VAT1: variants seen among roughly 807,000 people sequenced by gnomAD.
VAT1 encodes the protein vesicle amine transport 1.
Under a neutral mutation model 33.3 loss-of-function variants are expected in VAT1, and 24 were observed. The observed-to-expected ratio is 0.72, with a 90% CI of 0.52 to 1.01. The LOEUF (loss-of-function observed/expected upper bound fraction) is 1.01, where lower values mean the gene tolerates loss of function less well. Among genes scored for constraint, VAT1 ranks in the 50% least tolerant of loss-of-function variants. The probability of loss-of-function intolerance (pLI) is 0.00; values close to 1 mark genes in which losing one functional copy is unlikely to be tolerated. For synonymous variants in VAT1, 212 were observed against 225.0 expected (o/e 0.94, Z 0.52); for missense variants, 436 against 533.7 (o/e 0.82, Z 1.80).
chr17:43,017,402 G>A (rs1567746253), intron 4 of VAT1, among the ~76,000 whole-genome samples: 1 of 151,204 alleles, frequency 6.6e-6, no homozygotes, highest in Admixed American at 6.6e-5. Flanking sequence ...GGCCAACATG[G>A]TGAAACACCG....
At chr17:43,018,418 G>T (rs2050538962) in intron 2 of VAT1, among the ~76,000 whole-genome samples, 174 bp downstream of exon 2, 1 of 152,194 alleles carries the variant, frequency 6.6e-6, no homozygotes, top group African/African-American at 2.4e-5. Flanking sequence ...TAGCACACCA[G>T]ACTAGACCTG....
chr17:43,017,859 C>T lies in VAT1; in HGVS notation c.838G>A (p.Gly280Ser). 3.7e-6 allele frequency: 6 copies of T among 1,614,184 alleles called. No individual in the cohort carries two copies. Among genetic ancestry groups the T allele is most frequent in the Middle Eastern group, 1.6e-4 (1 of 6,062 alleles). ...AACTCACCATAGGTGACGACTTTGC[C>T]CATGGGTTTCAGGAGGTTGTAGCCC... Reference protein sequence around the residue: ...AKGYNLLKPMGKVVTYGMANL... With the variant: ...AKGYNLLKPMSKVVTYGMANL... The change falls in exon 4 of 6, where the codon GGC (glycine) becomes AGC (serine). Residue 280 changes from glycine (G) to serine (S), a missense_variant. Gly to Ser is a moderately conservative substitution (Grantham distance 56). This residue lies in a region of VAT1 where 282 missense variants were observed against 405.4 expected (regional missense o/e 0.70). Transcript: ENST00000355653.
At chr17:43,021,098 G>C (rs1322574905) in intron 1 of VAT1, among the ~76,000 whole-genome samples, 1 of 152,108 alleles carries the variant, frequency 6.6e-6, no homozygotes, top group East Asian at 1.9e-4. Flanking sequence ...CAAACCCCTG[G>C]CACTGGGGTT....
chr17:43,018,536 G>A, intron 2 of VAT1, 56 bp downstream of exon 2: 2 of 1,586,824 alleles, frequency 1.3e-6, no homozygotes, highest in Non-Finnish European at 1.7e-6. Flanking sequence ...GCAGGGAAGG[G>A]GCCTGGAAGG....
Position 43,021,920 on chromosome 17 carries a change from T to C in VAT1, c.387+16A>G, listed in dbSNP as rs370113611. The C allele has an allele frequency of 1.5e-5, 24 of 1,609,810 alleles. No homozygotes were observed. Among genetic ancestry groups the C allele is most frequent in the Non-Finnish European group, 2.0e-5 (24 of 1,179,468 alleles). On this transcript the variant is annotated intron_variant, in intron 1 of 5. Transcript: ENST00000355653. ...TGGCCTGCGCAGCCCTGCCCTGCCC[T>C]ACGCAACCCGCTCACCTTGCGGTCG...
chr17:43,021,829 G>A, intron 1 of VAT1, 107 bp downstream of exon 1: 1 of 1,499,350 alleles, frequency 6.7e-7, no homozygotes, highest in Non-Finnish European at 8.9e-7. Flanking sequence ...GTGCACCCAG[G>A]TCCGCGCCAG....
rs1348139044 is a variant in VAT1, at chr17:43,021,751, C to G, written c.387+185G>C. On this transcript the variant is annotated intron_variant, in intron 1 of 5. Transcript: ENST00000355653. The stretch of plus-strand genomic sequence containing the variant: ...GGAAGGGGCGATAATTTCGTCTCCC[C>G]TCCCCACATAAATGCCGCTCTCCAG... 2.6e-5 allele frequency among the ~76,000 whole-genome samples: 4 copies of G among 152,272 alleles called. No individual in the cohort carries two copies. In the East Asian group the frequency reaches 7.7e-4, roughly 29 times the overall value.
At chr17:43,019,719 C>G (rs894161580) in intron 1 of VAT1, among the ~76,000 whole-genome samples, 81 of 152,022 alleles carry the variant, frequency 5.3e-4, no homozygotes, top group African/African-American at 1.8e-3. Context: ...AAGGGAAGGG[C>G]AGGGAAAAGG....
chr17:43,022,239 G>A lies in VAT1; in HGVS notation c.84C>T (p.Asp28=), dbSNP rs752858777. ...CTTCGGAGGCCGCGGGATGCTGGGG[G>A]TCGCTCGCTGCCTCGGTTTTCGGAG... ...SPPPKTEAAS[D]PQHPAASEGA... is the part of the protein sequence containing the mutation. The change falls in exon 1 of 6, where the codon GAC becomes GAT. Residue 28 remains aspartate, a synonymous_variant. Coordinates refer to ENST00000355653, the MANE Select transcript of VAT1 (RefSeq NM_006373.4). The A allele has an allele frequency of 5.5e-5, 87 of 1,576,710 alleles. No individual in the cohort carries two copies. The highest frequency in any genetic ancestry group is 7.1e-5 in the Non-Finnish European group (83 of 1,161,874).
intron 1 of VAT1, 168 bp from the exon 2 acceptor site, chr17:43,018,967 A>C: frequency 2.8e-6 from 2 of 721,320 alleles, no homozygotes; most frequent in Non-Finnish European, 4.5e-6. Flanking sequence ...CAACAATAAC[A>C]ACTCACCTTT....
chr17:43,020,338 G>A (rs1412199875), intron 1 of VAT1: 2 of 981,568 alleles, frequency 2.0e-6, no homozygotes, highest in African/African-American at 3.5e-5. Flanking sequence ...AGGTGAGGTG[G>A]GTGGCCTTCA....
In VAT1 at chr17:43,016,505, G is replaced by A. The variant is rs781476196; in HGVS notation, c.900C>T (p.Ala300=). 3.1e-6 allele frequency: 5 copies of A among 1,613,968 alleles called. No individual in the cohort carries two copies. The South Asian group carries it at 5.5e-5, about 18-fold the overall frequency. ...ACTGATTCCACCATGTCCGGGCCAG[G>A]GCCATCAGGTTCCGTTTGGGGCCCG... ...LLTGPKRNLM[A]LARTWWNQFS... is the part of the protein sequence containing the mutation. The change falls in exon 5 of 6, where the codon GCC becomes GCT. Residue 300 remains alanine (A), a synonymous_variant. Transcript: ENST00000355653.
At position 43,022,233 on chromosome 17, in the gene VAT1, C is replaced by A; in HGVS notation, c.90G>T (p.Gln30His). 1 of 1,574,228 alleles carries A rather than the reference C, an allele frequency of 6.4e-7. No homozygotes were observed. The highest frequency in any genetic ancestry group is 2.3e-5 in the East Asian group (1 of 42,870). ...PPKTEAASDP[Q>H]HPAASEGAAA... ...CGGCCCCTTCGGAGGCCGCGGGATG[C>A]TGGGGGTCGCTCGCTGCCTCGGTTT... is the stretch of plus-strand genomic sequence containing the variant. Residue 30 changes from glutamine (Q) to histidine (H), a missense_variant, in exon 1 of 6, where the codon CAG (glutamine) becomes CAT (histidine). Around this residue, in one of 2 missense-constraint regions of VAT1, gnomAD observed 154 missense variants for 128.3 expected, o/e 1.20. Coordinates refer to ENST00000355653, the MANE Select transcript of VAT1 (RefSeq NM_006373.4).
In VAT1 at chr17:43,017,883, C is replaced by A; in HGVS notation, c.814G>T (p.Gly272Cys). 1 of 1,614,152 alleles carries A rather than the reference C, an allele frequency of 6.2e-7. No homozygotes were observed. Among genetic ancestry groups the A allele is most frequent in the African/African-American group, 1.3e-5 (1 of 75,004 alleles). The change falls in exon 4 of 6, where the codon GGC becomes TGC. Residue 272 changes from glycine to cysteine, a missense_variant. Coordinates refer to ENST00000355653, the MANE Select transcript of VAT1 (RefSeq NM_006373.4). ...DPLGGSDTAKGYNLLKPMGKV... is the reference protein window; with the variant it reads ...DPLGGSDTAKCYNLLKPMGKV... ...CCCATGGGTTTCAGGAGGTTGTAGC[C>A]CTTGGCAGTATCTGACCCACCCAGA... is the stretch of plus-strand genomic sequence containing the variant.
Position 43,021,921 on chromosome 17 carries a change from A to G in VAT1, c.387+15T>C. On this transcript the variant is annotated intron_variant, in intron 1 of 5. Coordinates refer to ENST00000355653, the MANE Select transcript of VAT1 (RefSeq NM_006373.4). ...GGCCTGCGCAGCCCTGCCCTGCCCT[A>G]CGCAACCCGCTCACCTTGCGGTCGC... 6.2e-7 allele frequency: 1 copy of G among 1,609,666 alleles called. No homozygotes were observed. The highest frequency in any genetic ancestry group is 8.5e-7 in the Non-Finnish European group (1 of 1,179,384).
intron 5 of VAT1, 32 bp downstream of exon 5, chr17:43,016,275 C>A: frequency 6.2e-7 from 1 of 1,606,964 alleles, no homozygotes; most frequent in Non-Finnish European, 8.5e-7. Flanking sequence ...TGAGTCCTAC[C>A]CAAGCCCTCC....
chr17:43,020,790 G>A (rs9912019), intron 1 of VAT1, among the ~76,000 whole-genome samples: 2,095 of 149,770 alleles, frequency 0.014, 37 homozygotes, highest in African/African-American at 0.049. Flanking sequence ...CAGGAGAATC[G>A]CTTGAACCCG....
intron 1 of VAT1, among the ~76,000 whole-genome samples, chr17:43,020,874 TAAAAAAAAAAAA>T (rs57324710): frequency 2.0e-5 from 2 of 100,182 alleles, no homozygotes; most frequent in Non-Finnish European, 4.3e-5. Flanking sequence ...AAACTCCGTC[TAAAAAAAAAAAA>T]AAAAAAAAAG....
In VAT1 at chr17:43,016,434, C is replaced by T; in HGVS notation, c.971G>A (p.Cys324Tyr). Reference protein sequence around the residue: ...LQLLQANRAVCGFHLGYLDGE... With the variant: ...LQLLQANRAVYGFHLGYLDGE... ...ATCCAGGTAGCCCAGGTGGAAGCCA[C>T]ACACAGCCCGGTTGGCCTGCAGCAG... Residue 324 changes from cysteine (C) to tyrosine (Y), a missense_variant, in exon 5 of 6, where the codon TGT becomes TAT. Coordinates refer to ENST00000355653, the MANE Select transcript of VAT1 (RefSeq NM_006373.4). 6.2e-7 allele frequency: 1 copy of T among 1,614,200 alleles called. No individual in the cohort carries two copies. Among genetic ancestry groups the T allele is most frequent in the Non-Finnish European group, 8.5e-7 (1 of 1,180,050 alleles).
Sources: gnomAD v4.1 joint callset for allele counts (sites outside exome capture counted in the v4.1 genomes callset) on GRCh38, gnomAD v4.1.1 for gene constraint, gnomAD v4.1.1 regional missense constraint, MANE v1.5 for transcripts, NCBI Gene and HGNC (gene_info 2026-07-23, HGNC 2026-07-21) for gene names.